The following TEX2 variants were observed in gnomAD, a reference collection of about 807,000 sequenced individuals.
The protein encoded by TEX2 is testis-expressed protein 2.
In TEX2, 53 loss-of-function variants were observed where a neutral mutation model predicts 106.9. That is an observed-to-expected ratio of 0.50 (90% CI 0.40 to 0.62). The LOEUF (loss-of-function observed/expected upper bound fraction) is 0.62, where lower values mean the gene tolerates loss of function less well. Among genes scored for constraint, TEX2 ranks in the 20% least tolerant of loss-of-function variants. The probability of loss-of-function intolerance (pLI) is 0.00; values close to 1 mark genes in which losing one functional copy is unlikely to be tolerated. For missense variants in TEX2, 1,207 were observed against 1,379.0 expected (o/e 0.88, Z 1.98); for synonymous variants, 523 against 534.8 (o/e 0.98, Z 0.30).
chr17:64,260,056 C>A (rs1481090266), intron 1 of TEX2, among the ~76,000 whole-genome samples: 1 of 152,186 alleles, frequency 6.6e-6, no homozygotes, highest in East Asian at 1.9e-4. Context: ...AAGCAGAGCA[C>A]AAGGATACAG....
intron 5 of TEX2, among the ~76,000 whole-genome samples, chr17:64,187,458 C>A (rs2032118484): frequency 6.6e-6 from 1 of 152,168 alleles, no homozygotes; most frequent in Non-Finnish European, 1.5e-5. Flanking sequence ...CGAGCCTCTC[C>A]TCACCACCTA....
intron 1 of TEX2, among the ~76,000 whole-genome samples, chr17:64,260,684 C>T (rs782193365): frequency 3.3e-5 from 5 of 152,164 alleles, no homozygotes; most frequent in Non-Finnish European, 7.3e-5. Context: ...AGTTGGAACT[C>T]AACACTGCTC....
At chr17:64,223,152 G>T (rs2033407064) in intron 1 of TEX2, among the ~76,000 whole-genome samples, 1 of 152,084 alleles carries the variant, frequency 6.6e-6, no homozygotes, top group African/African-American at 2.4e-5. Context: ...ACTGCGCTCT[G>T]TGTCAGTGGA....
At chr17:64,174,815 A>G (rs922990966) in intron 6 of TEX2, among the ~76,000 whole-genome samples, 1 of 152,258 alleles carries the variant, frequency 6.6e-6, no homozygotes, top group East Asian at 1.9e-4. Flanking sequence ...GGCCAAGAGC[A>G]CACTTACTAC....
In TEX2 at chr17:64,195,172, G is replaced by T; in HGVS notation, c.1645-77C>A. On this transcript the variant is annotated intron_variant, in intron 2 of 11. Coordinates refer to ENST00000584379, the MANE Select transcript of TEX2 (RefSeq NM_001288732.2). The surrounding 1 kb of genome is among the most constrained non-coding windows in gnomAD (Gnocchi z 4.1). ...TTAGTGTGAAATGATGAACACTGTG[G>T]TATTTGGGACACTGAAACCAAACTT... is the stretch of plus-strand genomic sequence containing the variant. 1 of 1,396,406 alleles carries T rather than the reference G, an allele frequency of 7.2e-7. No individual in the cohort carries two copies. Among genetic ancestry groups the T allele is most frequent in the Non-Finnish European group, 1.0e-6 (1 of 999,126 alleles). The allele number at this position is 1,396,406 out of a possible 1,614,324, so 86.5% of individuals were successfully genotyped here. A position where few individuals can be genotyped will look rare whatever the true frequency, so the allele number is the denominator to read the frequency against.
At chr17:64,181,805 C>T (rs1205750027) in intron 5 of TEX2, among the ~76,000 whole-genome samples, 3 of 147,856 alleles carry the variant, frequency 2.0e-5, no homozygotes, top group Non-Finnish European at 4.4e-5. Context: ...TGTGAGCCAC[C>T]ATGCCCGGCT....
At position 64,177,312 on chromosome 17, in the gene TEX2, T is replaced by C. The variant is rs1173527328; in HGVS notation, c.2571+13A>G. On this transcript the variant is annotated intron_variant, in intron 6 of 11. Coordinates refer to ENST00000584379, the MANE Select transcript of TEX2 (RefSeq NM_001288732.2). ...TATAGAGGATTAGAAGCCTCTTGTG[T>C]GGAAAGTGATACCTTTATTTTGCTG... is the stretch of plus-strand genomic sequence containing the variant. 4 of 1,614,016 alleles carry C rather than the reference T, an allele frequency of 2.5e-6. No individual in the cohort carries two copies. Among genetic ancestry groups the C allele is most frequent in the Non-Finnish European group, 3.4e-6 (4 of 1,179,988 alleles).
intron 5 of TEX2, among the ~76,000 whole-genome samples, chr17:64,184,724 A>G (rs1290214591): frequency 6.6e-6 from 1 of 152,170 alleles, no homozygotes. Flanking sequence ...TAGCTCTTAC[A>G]TTGAGGTCTA....
chr17:64,170,622 C>CT lies in TEX2; in HGVS notation c.2671+477dup, dbSNP rs71156002. On this transcript the variant is annotated intron_variant, in intron 7 of 11. Transcript: ENST00000584379. ...ATGGGAGCTTGGATCTATTCCAAAT[C>CT]TTTTTTTTTTTTTTTTTTTTTTTTT... 9.8e-3 allele frequency among the ~76,000 whole-genome samples: 724 copies of CT among 73,588 alleles called. 95 individuals are homozygous for CT. The highest frequency in any genetic ancestry group is 0.013 in the South Asian group (25 of 1,860). 48.3% of individuals were successfully genotyped at this position (73,588 alleles called of 152,430 possible).
Position 64,213,866 on chromosome 17 carries a change from C to G in TEX2, c.352G>C (p.Glu118Gln), listed in dbSNP as rs782557121. Residue 118 changes from glutamate to glutamine, a missense_variant, in exon 2 of 12, where the codon GAG becomes CAG. Coordinates refer to ENST00000584379, the MANE Select transcript of TEX2 (RefSeq NM_001288732.2). This position sits in a 1 kb window ranked among gnomAD's most constrained non-coding sequence, Gnocchi z 4.4. Reference sequence around the variant, plus strand: ...ACTTGTGCTGCTGGAACAGGGGACTCCAACAGCTTTACAGTGTTCTTGGAG... The same window carrying G: ...ACTTGTGCTGCTGGAACAGGGGACTGCAACAGCTTTACAGTGTTCTTGGAG... ...PVSKNTVKLL[E>Q]SPVPAAQVLS... is the part of the protein sequence containing the mutation. The G allele has an allele frequency of 3.1e-6, 5 of 1,614,088 alleles. No homozygotes were observed. In the African/African-American group the frequency reaches 5.3e-5, roughly 17 times the overall value.
rs897630091 is a variant in TEX2 at position 64,259,727 on chromosome 17, T to C, written c.-26+3441A>G. ...TGTCAGTGGACAGCATGACCTGTTA[T>C]TGGGTGCTCACTAGAACCAGGGACA... On this transcript the variant is annotated intron_variant, in intron 1 of 11. Transcript: ENST00000584379. Among the ~76,000 whole-genome samples the C allele has an allele frequency of 3.3e-5, 5 of 152,236 alleles. No individual in the cohort carries two copies. The South Asian group carries it at 8.3e-4, about 25-fold the overall frequency.
At chr17:64,149,197 A>G in intron 11 of TEX2, 106 bp from the exon 12 acceptor site, 3 of 1,299,300 alleles carry the variant, frequency 2.3e-6, no homozygotes, top group African/African-American at 1.5e-5. Context: ...TTAAAAGTAC[A>G]TATAAAAACT....
At chr17:64,151,540 G>A (rs1212414819) in intron 10 of TEX2, among the ~76,000 whole-genome samples, 2 of 152,196 alleles carry the variant, frequency 1.3e-5, no homozygotes, top group Non-Finnish European at 1.5e-5. Context: ...AGAACTGTTG[G>A]CAAAGTATCC....
chr17:64,227,224 C>A (rs1265555221), intron 1 of TEX2, among the ~76,000 whole-genome samples: 312 of 124,876 alleles, frequency 2.5e-3, no homozygotes, highest in East Asian at 3.0e-3. Context: ...GACTCCGTAT[C>A]AAAAAAAAAA....
At chr17:64,245,517 C>G (rs1357139652) in intron 1 of TEX2, among the ~76,000 whole-genome samples, 1 of 152,152 alleles carries the variant, frequency 6.6e-6, no homozygotes, top group Non-Finnish European at 1.5e-5. Flanking sequence ...GAGACCTTCA[C>G]CTGCTGCCAT....
At chr17:64,156,521 T>A (rs1051719798) in intron 8 of TEX2, among the ~76,000 whole-genome samples, 1 of 152,172 alleles carries the variant, frequency 6.6e-6, no homozygotes, top group African/African-American at 2.4e-5. Context: ...TGCAGAGCCA[T>A]ATCAGAGTGT....
chr17:64,240,630 C>T (rs1422345597), intron 1 of TEX2, among the ~76,000 whole-genome samples: 3 of 152,154 alleles, frequency 2.0e-5, no homozygotes, highest in African/African-American at 4.8e-5. Context: ...ATAAAGTCTA[C>T]CTCCTAGCAT....
intron 2 of TEX2, among the ~76,000 whole-genome samples, chr17:64,211,704 T>C (rs782368228): frequency 1.8e-4 from 27 of 151,728 alleles, no homozygotes; most frequent in Admixed American, 1.2e-3. Flanking sequence ...TTGGTATCCT[T>C]GGGGGGGGTC....
intron 8 of TEX2, among the ~76,000 whole-genome samples, chr17:64,157,835 TG>T (rs1389599222): frequency 6.6e-6 from 1 of 152,176 alleles, no homozygotes; most frequent in Non-Finnish European, 1.5e-5. Context: ...AGAGGTCAGA[TG>T]GGGCCACCTT....
Sources: gnomAD v4.1 joint callset for allele counts (sites outside exome capture counted in the v4.1 genomes callset) on GRCh38, gnomAD v4.1.1 for gene constraint, Gnocchi (gnomAD v3.1) non-coding constraint, MANE v1.5 for transcripts, NCBI Gene and HGNC (gene_info 2026-07-23, HGNC 2026-07-21) for gene names.